TCAF1: variants seen among roughly 807,000 people sequenced by gnomAD.
TCAF1 encodes the protein TRPM8 channel associated factor 1.
In TCAF1, 4 loss-of-function variants were observed where a neutral mutation model predicts 27.3. The observed-to-expected ratio is 0.15, with a 90% confidence interval of 0.07 to 0.34. The LOEUF is 0.34. Among genes scored for constraint, TCAF1 ranks in the 10% least tolerant of loss-of-function variants. TCAF1 has a pLI of 1.00. For missense variants in TCAF1, 257 were observed against 425.8 expected, an observed-to-expected ratio of 0.60 and a Z score of 3.49; for synonymous variants, 105 against 167.1, an observed-to-expected ratio of 0.63 and a Z score of 2.87.
At chr7:143,868,421 AATT>A (rs1563216535) in intron 2 of TCAF1, among the ~76,000 whole-genome samples, 1 of 148,278 alleles carries the variant, frequency 6.7e-6, no homozygotes, top group South Asian at 2.1e-4. Flanking sequence ...TGTTAAAATT[AATT>A]ATTATAGCTT....
chr7:143,885,256 T>A (rs1295081099), intron 1 of TCAF1: 1 of 985,188 alleles, frequency 1.0e-6, no homozygotes, highest in African/African-American at 1.8e-5. Context: ...GAGTGGGGAG[T>A]CTTCCACAGA....
intron 1 of TCAF1, among the ~76,000 whole-genome samples, chr7:143,901,156 A>T (rs1242664979): frequency 6.6e-6 from 1 of 152,176 alleles, no homozygotes; most frequent in Non-Finnish European, 1.5e-5. Flanking sequence ...CCATTCTGAG[A>T]TATTTCATTT....
At chr7:143,881,765 T>G in intron 1 of TCAF1, among the ~76,000 whole-genome samples, 1 of 152,082 alleles carries the variant, frequency 6.6e-6, no homozygotes, top group Non-Finnish European at 1.5e-5. Context: ...TCTAGTCCTC[T>G]ATTTCTACCT....
intron 1 of TCAF1, among the ~76,000 whole-genome samples, chr7:143,892,549 G>A (rs1813690022): frequency 6.8e-6 from 1 of 147,198 alleles, no homozygotes; most frequent in Non-Finnish European, 1.5e-5. Context: ...TTTTTTTTTG[G>A]AGAAGGAGTG....
intron 1 of TCAF1, chr7:143,885,002 CCCAAAA>C: frequency 4.1e-6 from 4 of 985,374 alleles, no homozygotes; most frequent in Non-Finnish European, 3.6e-6. Flanking sequence ...CCTCCCTGGA[CCCAAAA>C]CCCAAGGGGG....
chr7:143,894,042 T>C (rs761162080), intron 1 of TCAF1, among the ~76,000 whole-genome samples: 11 of 151,922 alleles, frequency 7.2e-5, no homozygotes, highest in Middle Eastern at 3.4e-3. Context: ...GGGACATTAT[T>C]GCAGTCCCAA....
In TCAF1 at chr7:143,852,537, G is replaced by A. The variant is rs950079358; in HGVS notation, c.*1596C>T. On this transcript the variant is annotated 3_prime_UTR_variant, in exon 9 of 9. Transcript: ENST00000479870. ...TCTGAAAATTTGCCTGACAGAAAAT[G>A]TCTTCACTTTGATGTTCTTCTTGAC... is the stretch of plus-strand genomic sequence containing the variant. The A allele has an allele frequency of 2.6e-5, 4 of 152,958 alleles. No homozygotes were observed. The highest frequency in any genetic ancestry group is 2.0e-4 in the Admixed American group (3 of 15,296). 9.5% of individuals were successfully genotyped at this position (152,958 alleles called of 1,614,324 possible).
chr7:143,885,440 G>C (rs1206357494), intron 1 of TCAF1: 1 of 985,326 alleles, frequency 1.0e-6, no homozygotes, highest in Non-Finnish European at 1.2e-6. Flanking sequence ...GCCGCCCCCG[G>C]ACCGCAGAGG....
At chr7:143,864,774 AC>A (rs1812091122) in intron 2 of TCAF1, among the ~76,000 whole-genome samples, 1 of 89,114 alleles carries the variant, frequency 1.1e-5, no homozygotes, top group Admixed American at 1.2e-4. Flanking sequence ...ATGAACCTTT[AC>A]TAAAGATAAA....
rs1812726558 is a variant in TCAF1, at chr7:143,876,518, G to T, written c.91C>A (p.Leu31Ile). Residue 31 changes from leucine (L) to isoleucine (I), a missense_variant, in exon 2 of 9, where the codon CTT becomes ATT. By Grantham distance (5) the Leu-to-Ile change is conservative. This residue lies in a region of TCAF1 where 255 missense variants were observed against 260.1 expected (regional missense o/e 0.98). Coordinates refer to ENST00000479870, the MANE Select transcript of TCAF1 (RefSeq NM_014719.3). ...PEDAVPCELLLIGEASFPVMV... is the reference protein window; with the variant it reads ...PEDAVPCELLIIGEASFPVMV... The stretch of plus-strand genomic sequence containing the variant: ...ACAGGAAATGAAGCCTCTCCAATAA[G>T]AAGCAGTTCACATGGAACAGCATCT... 3.2e-6 allele frequency: 5 copies of T among 1,573,084 alleles called. No homozygotes were observed. In the East Asian group the frequency reaches 8.9e-5, roughly 28 times the overall value.
At chr7:143,901,509 C>T (rs1049081614) in intron 1 of TCAF1, among the ~76,000 whole-genome samples, 2 of 152,186 alleles carry the variant, frequency 1.3e-5, no homozygotes, top group Non-Finnish European at 2.9e-5. Context: ...GCCGCTCTCA[C>T]CGCCACCCCT....
intron 1 of TCAF1, among the ~76,000 whole-genome samples, chr7:143,892,339 CATA>C (rs1813674152): frequency 6.6e-6 from 1 of 151,622 alleles, no homozygotes; most frequent in African/African-American, 2.4e-5. Context: ...TAAGGTAGGT[CATA>C]ATAAATCAAT....
At chr7:143,886,130 AGCT>A (rs1295385766) in intron 1 of TCAF1, among the ~76,000 whole-genome samples, 3 of 152,094 alleles carry the variant, frequency 2.0e-5, no homozygotes, top group Admixed American at 6.5e-5. Context: ...TAACCTGGAG[AGCT>A]CAACTGTAAA....
At chr7:143,869,378 G>GTCAT (rs1222237988) in intron 2 of TCAF1, among the ~76,000 whole-genome samples, 1 of 143,588 alleles carries the variant, frequency 7.0e-6, no homozygotes, top group Non-Finnish European at 1.5e-5. Flanking sequence ...TGTTAGACCA[G>GTCAT]TCATTCATCC....
At chr7:143,877,693 G>A (rs745429994) in intron 1 of TCAF1, among the ~76,000 whole-genome samples, 9 of 152,216 alleles carry the variant, frequency 5.9e-5, no homozygotes, top group East Asian at 1.9e-4. Context: ...AAGGACAGAT[G>A]TGTTTTCATG....
At chr7:143,885,990 T>G (rs1033795335) in intron 1 of TCAF1, among the ~76,000 whole-genome samples, 1 of 152,224 alleles carries the variant, frequency 6.6e-6, no homozygotes, top group Non-Finnish European at 1.5e-5. Context: ...TCTCTACAAA[T>G]ATGATTTCTC....
chr7:143,883,506 T>TTTC (rs1554393189), intron 1 of TCAF1, among the ~76,000 whole-genome samples: 9 of 103,224 alleles, frequency 8.7e-5, no homozygotes, highest in African/African-American at 3.3e-4. Context: ...TTTTCTTTTT[T>TTTC]TTTTTTTTTT....
At chr7:143,882,371 C>A in intron 1 of TCAF1, 1 of 985,162 alleles carries the variant, frequency 1.0e-6, no homozygotes, top group Non-Finnish European at 1.2e-6. Flanking sequence ...AAGCCCCGGG[C>A]CTTCTCATCC....
intron 1 of TCAF1, among the ~76,000 whole-genome samples, chr7:143,890,296 G>A (rs1298754417): frequency 7.2e-5 from 11 of 152,090 alleles, no homozygotes; most frequent in African/African-American, 2.7e-4. Flanking sequence ...TTTTTGTTTG[G>A]TTAATAATGT....
Sources: allele counts gnomAD v4.1 joint callset (sites outside exome capture counted in the v4.1 genomes callset), GRCh38; gene constraint gnomAD v4.1.1; regional missense constraint gnomAD v4.1.1; transcripts MANE v1.5; gene names NCBI Gene and HGNC (gene_info 2026-07-23, HGNC 2026-07-21).